The following SERGEF variants were observed in gnomAD, a reference collection of about 807,000 sequenced individuals.
The protein encoded by SERGEF is secretion regulating guanine nucleotide exchange factor.
SERGEF carries 51 observed loss-of-function variants against 50.0 expected under a neutral mutation model. The ratio of observed to expected loss-of-function variants is 1.02; its 90% CI spans 0.81 to 1.29. The LOEUF is 1.29. SERGEF is among the 50% of genes most tolerant of loss of function. The pLI, the probability that SERGEF is intolerant of heterozygous loss-of-function variation, is 0.00. For missense variants in SERGEF, 521 were observed against 557.0 expected (o/e 0.94, Z 0.65); for synonymous variants, 205 against 212.4 (o/e 0.97, Z 0.30).
chr11:17,931,238 C>T (rs1206109244), intron 9 of SERGEF, among the ~76,000 whole-genome samples: 2 of 152,122 alleles, frequency 1.3e-5, no homozygotes, highest in African/African-American at 4.8e-5. Context: ...TCCTTTGTTT[C>T]CATTGTAATA....
intron 10 of SERGEF, among the ~76,000 whole-genome samples, chr11:17,830,649 G>GGAGAGAGAGAGAGAGAGAGAGA (rs55967425): frequency 2.6e-5 from 2 of 77,724 alleles, no homozygotes; most frequent in African/African-American, 1.2e-4. Flanking sequence ...GGAGAGGGAG[G>GGAGAGAGAGAGAGAGAGAGAGA]GAGAGAGAGA....
chr11:17,907,162 CCA>C (rs1851862435), intron 9 of SERGEF, among the ~76,000 whole-genome samples: 1 of 59,168 alleles, frequency 1.7e-5, no homozygotes. Flanking sequence ...AAACTTATGA[CCA>C]AAAAAAAAAA....
chr11:17,998,014 A>C (rs2134005316), intron 5 of SERGEF, among the ~76,000 whole-genome samples: 1 of 152,316 alleles, frequency 6.6e-6, no homozygotes, highest in African/African-American at 2.4e-5. Flanking sequence ...TAAGATAATA[A>C]ACTGTAAACT....
At chr11:17,914,358 C>T (rs746794280) in intron 9 of SERGEF, among the ~76,000 whole-genome samples, 6 of 152,148 alleles carry the variant, frequency 3.9e-5, no homozygotes, top group African/African-American at 1.2e-4. Context: ...TCAGAGATGA[C>T]GATTTAATGA....
intron 10 of SERGEF, among the ~76,000 whole-genome samples, chr11:17,797,572 A>AT (rs543914655): frequency 0.019 from 2,819 of 147,728 alleles, 86 homozygotes; most frequent in African/African-American, 0.064. Context: ...ATTTTTCTTC[A>AT]TTTTTTTTTT....
chr11:18,007,323 G>A (rs1854095189), intron 2 of SERGEF, among the ~76,000 whole-genome samples: 1 of 152,154 alleles, frequency 6.6e-6, no homozygotes, highest in Non-Finnish European at 1.5e-5. Flanking sequence ...AGTCGGAATG[G>A]AGCCCTGCTA....
At chr11:17,833,932 G>A (rs1171133164) in intron 10 of SERGEF, among the ~76,000 whole-genome samples, 2 of 152,110 alleles carry the variant, frequency 1.3e-5, no homozygotes, top group Admixed American at 6.5e-5. Context: ...GCCTGGTCTC[G>A]GATGAGACTC....
chr11:17,903,358 AC>A (rs772840115), intron 9 of SERGEF, among the ~76,000 whole-genome samples: 8 of 152,232 alleles, frequency 5.3e-5, no homozygotes, highest in Non-Finnish European at 1.2e-4. Flanking sequence ...ACAAGAAGAT[AC>A]AGCTAGAATA....
At chr11:17,829,757 G>A (rs1052915371) in intron 10 of SERGEF, among the ~76,000 whole-genome samples, 1 of 152,110 alleles carries the variant, frequency 6.6e-6, no homozygotes, top group African/African-American at 2.4e-5. Flanking sequence ...AAACTTTTAG[G>A]GGTGACAATG....
chr11:17,807,399 C>G (rs1035844627), intron 10 of SERGEF, among the ~76,000 whole-genome samples: 1 of 152,200 alleles, frequency 6.6e-6, no homozygotes, highest in African/African-American at 2.4e-5. Flanking sequence ...CAAGCAACTG[C>G]TGAGCACTGG....
chr11:17,824,014 C>G (rs1330405573), intron 10 of SERGEF, among the ~76,000 whole-genome samples: 2 of 152,240 alleles, frequency 1.3e-5, no homozygotes, highest in African/African-American at 4.8e-5. Flanking sequence ...AAAAGGGCCT[C>G]TTTTTGGCCG....
chr11:17,986,271 A>C (rs1464218200), intron 8 of SERGEF, among the ~76,000 whole-genome samples: 1 of 152,202 alleles, frequency 6.6e-6, no homozygotes, highest in Admixed American at 6.5e-5. Context: ...CTGCTGCTAG[A>C]AGGAACACAA....
chr11:17,945,872 C>T (rs511604), intron 9 of SERGEF, among the ~76,000 whole-genome samples: 5,004 of 151,928 alleles, frequency 0.033, 268 homozygotes, highest in African/African-American at 0.11. Context: ...CAGCTACTCA[C>T]GAGGCTGAGG....
intron 10 of SERGEF, among the ~76,000 whole-genome samples, chr11:17,826,530 T>C (rs1850199350): frequency 6.6e-6 from 1 of 152,170 alleles, no homozygotes; most frequent in African/African-American, 2.4e-5. Context: ...GCTGCACGGA[T>C]GGGGAGTGGG....
chr11:17,847,277 T>C (rs932393781), intron 10 of SERGEF, among the ~76,000 whole-genome samples: 7 of 152,212 alleles, frequency 4.6e-5, no homozygotes, highest in Non-Finnish European at 8.8e-5. Flanking sequence ...TAATTCCACA[T>C]GCCTGAGCAG....
intron 9 of SERGEF, among the ~76,000 whole-genome samples, chr11:17,923,984 AT>A (rs1260363934): frequency 6.6e-6 from 1 of 152,226 alleles, no homozygotes; most frequent in Non-Finnish European, 1.5e-5. Context: ...TTGCCAAGTC[AT>A]TTAAACTCTC....
At chr11:17,857,355 G>A (rs1402002711) in intron 10 of SERGEF, among the ~76,000 whole-genome samples, 1 of 152,132 alleles carries the variant, frequency 6.6e-6, no homozygotes, top group Non-Finnish European at 1.5e-5. Flanking sequence ...GTGGTTCTAT[G>A]ACCCCAGGGT....
At chr11:17,818,535 C>T (rs1008459542) in intron 10 of SERGEF, among the ~76,000 whole-genome samples, 7 of 152,098 alleles carry the variant, frequency 4.6e-5, no homozygotes, top group African/African-American at 1.7e-4. Flanking sequence ...GTAATTGGAT[C>T]ACTTAGCTGT....
At chr11:17,881,015 T>C (rs1235814506) in intron 9 of SERGEF, among the ~76,000 whole-genome samples, 1 of 152,148 alleles carries the variant, frequency 6.6e-6, no homozygotes, top group African/African-American at 2.4e-5. Flanking sequence ...ATCACAACAA[T>C]CTTTTCAGGT....
Sources: allele counts gnomAD v4.1 joint callset (sites outside exome capture counted in the v4.1 genomes callset), GRCh38; gene constraint gnomAD v4.1.1; transcripts MANE v1.5; gene names NCBI Gene and HGNC (gene_info 2026-07-23, HGNC 2026-07-21).